The following NPEPPS variants were observed in gnomAD, a reference collection of about 807,000 sequenced individuals.
NPEPPS encodes puromycin-sensitive aminopeptidase.
Under a neutral mutation model 115.5 loss-of-function variants are expected in NPEPPS, and 14 were observed. That is an observed-to-expected ratio of 0.12 (90% CI 0.08 to 0.19). The LOEUF is 0.19. Ranked by LOEUF, NPEPPS falls within the 10% of genes least tolerant of loss-of-function variation. The pLI is 1.00. For missense variants in NPEPPS, 523 were observed against 1,110.8 expected (o/e 0.47, Z 7.52); for synonymous variants, 285 against 390.6 (o/e 0.73, Z 3.19).
intron 1 of NPEPPS, among the ~76,000 whole-genome samples, chr17:47,538,202 C>A (rs145878669): frequency 1.7e-5 from 1 of 58,496 alleles, no homozygotes; most frequent in Non-Finnish European, 3.4e-5. Context: ...CATATCTGTT[C>A]TTTTTTTTTT....
At chr17:47,613,478 G>C (rs1198719283) in intron 18 of NPEPPS, among the ~76,000 whole-genome samples, 191 bp from the exon 19 acceptor site, 1 of 151,868 alleles carries the variant, frequency 6.6e-6, no homozygotes, top group African/African-American at 2.4e-5. Flanking sequence ...TGTTGACCAG[G>C]CTGGCCTGGA....
In NPEPPS at chr17:47,531,321, C is replaced by A; in HGVS notation, c.21C>A (p.Ala7=). The A allele has an allele frequency of 1.3e-6, 2 of 1,482,350 alleles. No individual in the cohort carries two copies. The highest frequency in any genetic ancestry group is 2.4e-5 in the South Asian group (2 of 82,200). The allele number at this position is 1,482,350 out of a possible 1,614,324, so 91.8% of individuals were successfully genotyped here. A position where few individuals can be genotyped will look rare whatever the true frequency, so the allele number is the denominator to read the frequency against. ...GGTGGATGTGGCTGGCAGCTGCCGC[C>A]CCCTCCCTCGCTCGCCGCCTGCTCT... MWLAAA[A]PSLARRLLFL... The change falls in exon 1 of 23, where the codon GCC becomes GCA. Residue 7 remains alanine, a synonymous_variant. Coordinates refer to ENST00000322157, the MANE Select transcript of NPEPPS (RefSeq NM_006310.4).
At chr17:47,530,194 C>T (rs1907637384), upstream of NPEPPS, among the ~76,000 whole-genome samples, 3 of 147,328 alleles carry the variant, frequency 2.0e-5, no homozygotes, top group Non-Finnish European at 4.5e-5. Flanking sequence ...CCGCCCGCCT[C>T]GGCCTCCCAA....
intron 17 of NPEPPS, among the ~76,000 whole-genome samples, chr17:47,608,499 G>C (rs1008312812): frequency 1.3e-5 from 2 of 149,474 alleles, no homozygotes; most frequent in African/African-American, 4.9e-5. Flanking sequence ...ATCATATCAC[G>C]CATGTGGCTC....
At chr17:47,532,069 C>T (rs2611979) in intron 1 of NPEPPS, among the ~76,000 whole-genome samples, 5 of 151,774 alleles carry the variant, frequency 3.3e-5, no homozygotes, top group African/African-American at 9.7e-5. Context: ...GTTGGAGCGA[C>T]GAGGGGAGCT....
chr17:47,621,843 G>A lies in NPEPPS; in HGVS notation c.2683G>A (p.Ala895Thr), dbSNP rs1333810079. Residue 895 changes from alanine to threonine, a missense_variant, in exon 23 of 23, where the codon GCT becomes ACT. By Grantham distance (58) the Ala-to-Thr change is moderately conservative. Around this residue, in one of 4 missense-constraint regions of NPEPPS, gnomAD observed 372 missense variants for 542.6 expected, o/e 0.69. Coordinates refer to ENST00000322157, the MANE Select transcript of NPEPPS (RefSeq NM_006310.4). Reference sequence around the variant, plus strand: ...GTGTTGTGAAAATATTCTGCTGAATGCTGCCTGGCTAAAGCGAGATGCTGA... The same window carrying A: ...GTGTTGTGAAAATATTCTGCTGAATACTGCCTGGCTAAAGCGAGATGCTGA... ...QQCCENILLN[A>T]AWLKRDAESI... 1 of 1,613,976 alleles carries A rather than the reference G, an allele frequency of 6.2e-7. No homozygotes were observed. Among genetic ancestry groups the A allele is most frequent in the Non-Finnish European group, 8.5e-7 (1 of 1,179,842 alleles).
intron 1 of NPEPPS, 88 bp from the exon 2 acceptor site, chr17:47,545,821 A>T: frequency 6.8e-7 from 1 of 1,465,112 alleles, no homozygotes; most frequent in Non-Finnish European, 9.2e-7. Flanking sequence ...TGCTGGGATT[A>T]CAGGTGTGTG....
intron 2 of NPEPPS, among the ~76,000 whole-genome samples, chr17:47,554,028 G>C (rs946777828): frequency 6.7e-6 from 1 of 148,858 alleles, no homozygotes; most frequent in African/African-American, 2.5e-5. Context: ...GGGATTACAG[G>C]TGTGAGCCAC....
At chr17:47,585,900 T>G in intron 6 of NPEPPS, 200 bp downstream of exon 6, 2 of 585,450 alleles carry the variant, frequency 3.4e-6, no homozygotes, top group Middle Eastern at 4.5e-4. Flanking sequence ...AATATAAGAG[T>G]GGAATTTCTC....
chr17:47,620,992 G>C (rs1914530188), intron 22 of NPEPPS, among the ~76,000 whole-genome samples: 2 of 152,018 alleles, frequency 1.3e-5, no homozygotes, highest in Non-Finnish European at 2.9e-5. Flanking sequence ...AGACCAGTCT[G>C]GGCAACATGG....
At chr17:47,575,076 T>G (rs1911429705) in intron 3 of NPEPPS, among the ~76,000 whole-genome samples, 1 of 152,260 alleles carries the variant, frequency 6.6e-6, no homozygotes, top group Non-Finnish European at 1.5e-5. Flanking sequence ...GCTATCTTTA[T>G]TTTTCAAATT....
At chr17:47,540,089 C>T (rs1908642587) in intron 1 of NPEPPS, among the ~76,000 whole-genome samples, 1 of 152,174 alleles carries the variant, frequency 6.6e-6, no homozygotes, top group South Asian at 2.1e-4. Context: ...ATTTCTGCCT[C>T]CCTATCTCAT....
chr17:47,582,715 A>G, intron 4 of NPEPPS, 27 bp from the exon 5 acceptor site: 3 of 760,168 alleles, frequency 3.9e-6, no homozygotes, highest in South Asian at 1.4e-5. Context: ...ATTCTAAGGT[A>G]TTTATATTTC....
At chr17:47,567,735 CTT>C (rs1567850528) in intron 2 of NPEPPS, among the ~76,000 whole-genome samples, 1 of 152,204 alleles carries the variant, frequency 6.6e-6, no homozygotes, top group East Asian at 1.9e-4. Flanking sequence ...TATGAATCTA[CTT>C]TCAGCCTCCA....
At chr17:47,545,526 A>T (rs1909142463) in intron 1 of NPEPPS, among the ~76,000 whole-genome samples, 2 of 152,038 alleles carry the variant, frequency 1.3e-5, no homozygotes, top group African/African-American at 2.4e-5. Context: ...CTGTGATATT[A>T]GTTCAAGTCT....
At chr17:47,526,785 T>G (rs1015007870), upstream of NPEPPS, among the ~76,000 whole-genome samples, 28 of 151,580 alleles carry the variant, frequency 1.8e-4, no homozygotes, top group Non-Finnish European at 3.8e-4. Flanking sequence ...GGTGAAACCC[T>G]GTCTCTACTA....
chr17:47,567,079 C>G (rs563364617), intron 2 of NPEPPS, among the ~76,000 whole-genome samples: 1 of 152,086 alleles, frequency 6.6e-6, no homozygotes, highest in East Asian at 1.9e-4. Context: ...GATCCTGTCT[C>G]AAAAAACAAA....
intron 3 of NPEPPS, among the ~76,000 whole-genome samples, chr17:47,574,240 A>C (rs1911371285): frequency 6.6e-6 from 1 of 152,218 alleles, no homozygotes; most frequent in Middle Eastern, 3.4e-3. Context: ...TTTTAAGAGC[A>C]GAAACAAATG....
At position 47,612,453 on chromosome 17, in the gene NPEPPS, A is replaced by G; in HGVS notation, c.2096-7A>G. 2 of 1,613,502 alleles carry G rather than the reference A, an allele frequency of 1.2e-6. No homozygotes were observed. Among genetic ancestry groups the G allele is most frequent in the Non-Finnish European group, 1.7e-6 (2 of 1,179,714 alleles). On this transcript the variant is annotated splice_polypyrimidine_tract_variant and splice_region_variant and intron_variant, in intron 17 of 22. Coordinates refer to ENST00000322157, the MANE Select transcript of NPEPPS (RefSeq NM_006310.4). ...TAGTCTTATGTCTCTTTTACTTCTC[A>G]AATCAGGTCATCTCGATGCACTCCT...
Sources: gnomAD v4.1 joint callset for allele counts (sites outside exome capture counted in the v4.1 genomes callset) on GRCh38, gnomAD v4.1.1 for gene constraint, gnomAD v4.1.1 regional missense constraint, MANE v1.5 for transcripts, NCBI Gene and HGNC (gene_info 2026-07-23, HGNC 2026-07-21) for gene names.